The following TNIK variants were observed in gnomAD, a reference collection of about 807,000 sequenced individuals.
TNIK encodes the protein TRAF2 and NCK-interacting protein kinase.
In TNIK, 49 loss-of-function variants were observed where a neutral mutation model predicts 191.3. That is an observed-to-expected ratio of 0.26 (90% CI 0.20 to 0.32). The LOEUF (loss-of-function observed/expected upper bound fraction) is 0.32, where lower values mean the gene tolerates loss of function less well. Among genes scored for constraint, TNIK ranks in the 10% least tolerant of loss-of-function variants. The pLI is 1.00. For missense variants in TNIK, 1,155 were observed against 1,702.3 expected (o/e 0.68, Z 5.66); for synonymous variants, 594 against 600.9 (o/e 0.99, Z 0.17).
chr3:171,412,170 C>T (rs1260126848), intron 1 of TNIK, among the ~76,000 whole-genome samples: 2 of 152,108 alleles, frequency 1.3e-5, no homozygotes, highest in Non-Finnish European at 2.9e-5. Flanking sequence ...CAAGAGAAGG[C>T]AGGAATGACA....
At chr3:171,079,410 G>T in intron 28 of TNIK, 108 bp downstream of exon 28, 1 of 1,284,122 alleles carries the variant, frequency 7.8e-7, no homozygotes, top group Non-Finnish European at 1.0e-6. Context: ...ATCTGAAGCT[G>T]GTCACACATG....
intron 2 of TNIK, among the ~76,000 whole-genome samples, chr3:171,352,457 A>G (rs12490560): frequency 6.6e-6 from 1 of 152,128 alleles, no homozygotes; most frequent in Non-Finnish European, 1.5e-5. Flanking sequence ...AGAATAAGCA[A>G]CTGATAATTT....
intron 4 of TNIK, among the ~76,000 whole-genome samples, chr3:171,204,546 A>T (rs1395106439): frequency 1.3e-5 from 2 of 152,240 alleles, no homozygotes; most frequent in Non-Finnish European, 2.9e-5. Flanking sequence ...TACAAACGTA[A>T]TCCTAACAAA....
chr3:171,365,495 T>C (rs1256497822), intron 2 of TNIK, among the ~76,000 whole-genome samples: 2 of 152,266 alleles, frequency 1.3e-5, no homozygotes, highest in East Asian at 3.9e-4. Context: ...AAGTTCTACA[T>C]TCTTGTGAAA....
chr3:171,294,195 C>G (rs936979932), intron 2 of TNIK, among the ~76,000 whole-genome samples: 1 of 152,044 alleles, frequency 6.6e-6, no homozygotes, highest in East Asian at 1.9e-4. Flanking sequence ...CGCCACTGCA[C>G]TCCAGCCTGG....
At chr3:171,443,862 T>G (rs1021065003) in intron 1 of TNIK, among the ~76,000 whole-genome samples, 2 of 152,114 alleles carry the variant, frequency 1.3e-5, no homozygotes, top group African/African-American at 4.8e-5. Flanking sequence ...AACAATTCCC[T>G]GATACTTTAA....
Position 171,107,183 on chromosome 3 carries a change from C to T in TNIK, c.2406G>A (p.Glu802=), listed in dbSNP as rs1281887846. 6.2e-7 allele frequency: 1 copy of T among 1,611,986 alleles called. No individual in the cohort carries two copies. The highest frequency in any genetic ancestry group is 8.5e-7 in the Non-Finnish European group (1 of 1,179,246). ...RPASYKKAID[E]DLTALAKELR... is the part of the protein sequence containing the mutation. Reference sequence around the variant, plus strand: ...ATGACCAAGAAAAGGTAATACTAACCTCATCTATAGCTTTTTTGTAGCTCT... The same window carrying T: ...ATGACCAAGAAAAGGTAATACTAACTTCATCTATAGCTTTTTTGTAGCTCT... Residue 802 remains glutamate, a splice_region_variant and synonymous_variant, in exon 21 of 33, where the codon GAG becomes GAA. Coordinates refer to ENST00000436636, the MANE Select transcript of TNIK (RefSeq NM_015028.4).
intron 15 of TNIK, among the ~76,000 whole-genome samples, chr3:171,134,981 G>T (rs1014292366): frequency 6.6e-6 from 1 of 152,186 alleles, no homozygotes; most frequent in Non-Finnish European, 1.5e-5. Flanking sequence ...TACAGAAGAG[G>T]TTGCAGTAGG....
intron 7 of TNIK, among the ~76,000 whole-genome samples, chr3:171,183,675 C>A (rs944175720): frequency 6.6e-6 from 1 of 152,106 alleles, no homozygotes; most frequent in Admixed American, 6.5e-5. Context: ...GTAATCCCAG[C>A]ACTTTGGGAG....
At chr3:171,211,075 T>C (rs770470901) in intron 4 of TNIK, 41 bp downstream of exon 4, 1 of 1,599,430 alleles carries the variant, frequency 6.3e-7, no homozygotes, top group Non-Finnish European at 8.5e-7. Context: ...GCCGTGTTTG[T>C]TTTTTATGTA....
intron 12 of TNIK, among the ~76,000 whole-genome samples, chr3:171,154,259 CAAA>C (rs33932410): frequency 4.0e-4 from 55 of 137,600 alleles, no homozygotes; most frequent in Middle Eastern, 3.7e-3. Flanking sequence ...GATATCTCTT[CAAA>C]AAAAAAAAAA....
intron 2 of TNIK, among the ~76,000 whole-genome samples, chr3:171,352,578 G>A (rs1291854022): frequency 6.6e-6 from 1 of 152,164 alleles, no homozygotes; most frequent in Non-Finnish European, 1.5e-5. Context: ...TGTAAATAAG[G>A]AACTACTTTA....
intron 1 of TNIK, among the ~76,000 whole-genome samples, chr3:171,419,754 C>T (rs1723529504): frequency 6.6e-6 from 1 of 152,044 alleles, no homozygotes; most frequent in South Asian, 2.1e-4. Context: ...GACAAGTATC[C>T]TAAGCACTTA....
intron 2 of TNIK, among the ~76,000 whole-genome samples, chr3:171,352,615 T>A (rs551777028): frequency 2.0e-5 from 3 of 152,210 alleles, no homozygotes; most frequent in African/African-American, 7.2e-5. Flanking sequence ...ACCAAGTACA[T>A]GCAGGAACCC....
chr3:171,192,400 C>T (rs9879387), intron 5 of TNIK, among the ~76,000 whole-genome samples: 74,235 of 152,064 alleles, frequency 0.49, 19,769 homozygotes, highest in African/African-American at 0.71. Flanking sequence ...AGGTCACCTC[C>T]AAAACCTCTT....
At chr3:171,181,830 A>T (rs1423626890) in intron 7 of TNIK, among the ~76,000 whole-genome samples, 1 of 152,240 alleles carries the variant, frequency 6.6e-6, no homozygotes, top group African/African-American at 2.4e-5. Context: ...GTGACATAAG[A>T]AACGTAAGTA....
chr3:171,070,577 G>A (rs1273450698), intron 29 of TNIK, among the ~76,000 whole-genome samples: 1 of 152,128 alleles, frequency 6.6e-6, no homozygotes, highest in Non-Finnish European at 1.5e-5. Flanking sequence ...GGTCCTCCTG[G>A]TATTCGGGTG....
intron 23 of TNIK, among the ~76,000 whole-genome samples, chr3:171,088,313 C>A (rs939361569): frequency 2.0e-4 from 30 of 151,442 alleles, no homozygotes; most frequent in African/African-American, 7.1e-4. Context: ...TGGCTCACTG[C>A]AACCTCTGCA....
At chr3:171,343,917 CAT>C (rs1467922703) in intron 2 of TNIK, among the ~76,000 whole-genome samples, 6 of 152,260 alleles carry the variant, frequency 3.9e-5, no homozygotes, top group Non-Finnish European at 7.4e-5. Context: ...GTTCCTTCCT[CAT>C]ATGACTCTGC....
Sources: allele counts gnomAD v4.1 joint callset (sites outside exome capture counted in the v4.1 genomes callset), GRCh38; gene constraint gnomAD v4.1.1; transcripts MANE v1.5; gene names NCBI Gene and HGNC (gene_info 2026-07-23, HGNC 2026-07-21).